WDR7: variants seen among roughly 807,000 people sequenced by gnomAD.
WDR7 encodes WD repeat domain 7.
In WDR7, 46 loss-of-function variants were observed where a neutral mutation model predicts 169.4. That is an observed-to-expected ratio of 0.27 (90% CI 0.21 to 0.35). WDR7 has a LOEUF of 0.35. WDR7 is among the 10% of genes least tolerant of loss of function. The pLI is 1.00. For missense variants in WDR7, 1,534 were observed against 1,859.3 expected, an observed-to-expected ratio of 0.83 and a Z score of 3.22; for synonymous variants, 612 against 666.8, an observed-to-expected ratio of 0.92 and a Z score of 1.27.
Position 56,703,858 on chromosome 18 carries a change from TA to T in WDR7, c.1578+7397del, listed in dbSNP as rs1329989529. 5.9e-5 allele frequency among the ~76,000 whole-genome samples: 9 copies of T among 152,230 alleles called. 1 individual carries two copies. The East Asian group carries it at 1.7e-3, about 29-fold the overall frequency. ...GGGAATGATAATTAGTACAGCTAAA[TA>T]TTTTTGTAGCTCTAGAATGGTTTCT... On this transcript the variant is annotated intron_variant, in intron 12 of 27. Coordinates refer to ENST00000254442, the MANE Select transcript of WDR7 (RefSeq NM_015285.3).
intron 12 of WDR7, among the ~76,000 whole-genome samples, chr18:56,708,033 T>C (rs946097897): frequency 2.0e-5 from 3 of 148,578 alleles, no homozygotes; most frequent in African/African-American, 7.4e-5. Flanking sequence ...TTTATTCCTT[T>C]TTTTTTTTTT....
chr18:56,876,264 T>C (rs1599120773), intron 20 of WDR7, among the ~76,000 whole-genome samples: 3 of 152,198 alleles, frequency 2.0e-5, no homozygotes, highest in Admixed American at 1.3e-4. Context: ...AATCAACATA[T>C]AGCGCAAAGA....
intron 12 of WDR7, among the ~76,000 whole-genome samples, chr18:56,708,738 C>T (rs1179676276): frequency 6.6e-6 from 1 of 152,092 alleles, no homozygotes; most frequent in Non-Finnish European, 1.5e-5. Context: ...AGTTTGAGAC[C>T]AGACTGGCCA....
chr18:56,828,624 C>T (rs1453067929), intron 20 of WDR7, among the ~76,000 whole-genome samples: 1 of 152,032 alleles, frequency 6.6e-6, no homozygotes, highest in African/African-American at 2.4e-5. Context: ...CTTCACCATA[C>T]TATCATTAAA....
intron 1 of WDR7, among the ~76,000 whole-genome samples, chr18:56,654,263 C>A (rs1462593075): frequency 6.6e-6 from 1 of 152,084 alleles, no homozygotes. Context: ...TCCTGAGTAG[C>A]TGCAACTACA....
In WDR7 at chr18:56,938,523, T is replaced by C; in HGVS notation, c.3832-10T>C. 6.2e-7 allele frequency: 1 copy of C among 1,613,026 alleles called. No individual in the cohort carries two copies. The highest frequency in any genetic ancestry group is 8.5e-7 in the Non-Finnish European group (1 of 1,179,628). On this transcript the variant is annotated splice_polypyrimidine_tract_variant and intron_variant, in intron 23 of 27. Coordinates refer to ENST00000254442, the MANE Select transcript of WDR7 (RefSeq NM_015285.3). ...GTCAATCATATCTACAGCATAGAAATGTTTTGTAGGTACACAGACATACGG... is the reference window on the plus strand; with the variant it reads ...GTCAATCATATCTACAGCATAGAAACGTTTTGTAGGTACACAGACATACGG...
At chr18:56,865,926 T>C (rs1338865972) in intron 20 of WDR7, among the ~76,000 whole-genome samples, 1 of 152,182 alleles carries the variant, frequency 6.6e-6, no homozygotes, top group Non-Finnish European at 1.5e-5. Context: ...TTAAGACTTT[T>C]TTCTAATTAT....
intron 20 of WDR7, among the ~76,000 whole-genome samples, chr18:56,840,537 TTGAC>T (rs1350984134): frequency 6.6e-6 from 1 of 152,162 alleles, no homozygotes; most frequent in Non-Finnish European, 1.5e-5. Flanking sequence ...AAGACCATGT[TTGAC>T]TGGACACAGT....
chr18:57,017,319 G>A (rs1036510252), intron 26 of WDR7, among the ~76,000 whole-genome samples: 1 of 152,240 alleles, frequency 6.6e-6, no homozygotes, highest in Non-Finnish European at 1.5e-5. Flanking sequence ...TTACGAGACA[G>A]CAGGTCTGTC....
chr18:56,969,896 A>G (rs1449480810), intron 26 of WDR7, among the ~76,000 whole-genome samples: 4 of 152,194 alleles, frequency 2.6e-5, no homozygotes, highest in African/African-American at 9.6e-5. Flanking sequence ...TAGAGAAGGC[A>G]GTGTGGTTGC....
At chr18:56,809,144 T>C (rs2145190246) in intron 19 of WDR7, among the ~76,000 whole-genome samples, 1 of 152,244 alleles carries the variant, frequency 6.6e-6, no homozygotes, top group Middle Eastern at 3.4e-3. Context: ...TTGTTTGGTA[T>C]AATGTACATT....
intron 14 of WDR7, among the ~76,000 whole-genome samples, chr18:56,747,597 G>A (rs1391653802): frequency 1.3e-5 from 2 of 152,122 alleles, no homozygotes; most frequent in African/African-American, 4.8e-5. Context: ...TACTACCTAA[G>A]GTATGAACCA....
At chr18:56,779,575 A>G (rs769070094) in intron 18 of WDR7, 26 bp downstream of exon 18, 1 of 1,567,662 alleles carries the variant, frequency 6.4e-7, no homozygotes, top group Non-Finnish European at 8.7e-7. Context: ...TAAGGATAGA[A>G]AACAAAAATA....
At chr18:56,689,707 T>C (rs557670765) in intron 7 of WDR7, among the ~76,000 whole-genome samples, 1 of 152,328 alleles carries the variant, frequency 6.6e-6, no homozygotes, top group South Asian at 2.1e-4. Flanking sequence ...TCGTCTGTTG[T>C]CCCTTGATAA....
At chr18:56,843,053 C>T (rs2045510945) in intron 20 of WDR7, among the ~76,000 whole-genome samples, 1 of 152,110 alleles carries the variant, frequency 6.6e-6, no homozygotes, top group South Asian at 2.1e-4. Flanking sequence ...TCTGGTGATT[C>T]ATCCCGTTAC....
At chr18:56,999,102 A>G (rs1472189424) in intron 26 of WDR7, among the ~76,000 whole-genome samples, 2 of 152,206 alleles carry the variant, frequency 1.3e-5, no homozygotes, top group Non-Finnish European at 2.9e-5. Context: ...ATTCGCAAAT[A>G]TAGTGTGAAG....
intron 21 of WDR7, among the ~76,000 whole-genome samples, chr18:56,899,760 A>G (rs989727104): frequency 1.4e-4 from 21 of 152,112 alleles, no homozygotes; most frequent in Non-Finnish European, 2.4e-4. Context: ...AATCTTGACT[A>G]TATCTAATGT....
chr18:56,898,164 A>C (rs1287051921), intron 21 of WDR7, among the ~76,000 whole-genome samples: 2 of 152,062 alleles, frequency 1.3e-5, no homozygotes, highest in Non-Finnish European at 2.9e-5. Flanking sequence ...TGCTTCTAAT[A>C]GCCAAAACTG....
intron 1 of WDR7, among the ~76,000 whole-genome samples, chr18:56,667,227 G>GC (rs911516319): frequency 6.6e-6 from 1 of 151,980 alleles, no homozygotes; most frequent in African/African-American, 2.4e-5. Context: ...CTTGCCTGTG[G>GC]CCTTACGTAT....
Sources: allele counts gnomAD v4.1 joint callset (sites outside exome capture counted in the v4.1 genomes callset), GRCh38; gene constraint gnomAD v4.1.1; transcripts MANE v1.5; gene names NCBI Gene and HGNC (gene_info 2026-07-23, HGNC 2026-07-21).